Variants in UST observed in about 807,000 individuals in gnomAD.
UST encodes chondroitin sulfate 2-O-sulfotransferase.
In UST, 21 loss-of-function variants were observed where a neutral mutation model predicts 45.6. That is an observed-to-expected ratio of 0.46 (90% CI 0.33 to 0.66). The LOEUF is 0.66. Among genes scored for constraint, UST ranks in the 30% least tolerant of loss-of-function variants. The pLI, the probability that UST is intolerant of heterozygous loss-of-function variation, is 0.02. For synonymous variants in UST, 215 were observed against 200.6 expected (o/e 1.07, Z -0.61); for missense variants, 463 against 512.4 (o/e 0.90, Z 0.93).
intron 1 of UST, among the ~76,000 whole-genome samples, chr6:148,869,308 C>T (rs986846969): frequency 3.9e-5 from 6 of 152,046 alleles, no homozygotes; most frequent in Non-Finnish European, 7.4e-5. Flanking sequence ...CAAAATTTCA[C>T]GTAAATCCTA....
intron 2 of UST, among the ~76,000 whole-genome samples, chr6:148,923,826 G>A (rs989853052): frequency 4.6e-5 from 7 of 152,178 alleles, no homozygotes; most frequent in Admixed American, 2.0e-4. Flanking sequence ...TACTTGGATT[G>A]TAGTTGGTCG....
chr6:148,864,526 A>G (rs1778387445), intron 1 of UST, among the ~76,000 whole-genome samples: 1 of 152,192 alleles, frequency 6.6e-6, no homozygotes, highest in Non-Finnish European at 1.5e-5. Flanking sequence ...AGCCCCAGTG[A>G]GATGAATCTG....
chr6:148,891,886 C>G (rs1420810973), intron 2 of UST, among the ~76,000 whole-genome samples: 1 of 152,148 alleles, frequency 6.6e-6, no homozygotes, highest in African/African-American at 2.4e-5. Context: ...TTCCAGTAAC[C>G]TTTGTATACT....
At chr6:148,993,147 A>G (rs1022284785) in intron 5 of UST, 6 of 865,292 alleles carry the variant, frequency 6.9e-6, no homozygotes, top group Middle Eastern at 5.9e-4. Flanking sequence ...AGTAAGTTCG[A>G]TTTCTACATC....
At chr6:149,059,731 G>A (rs1204521492) in intron 7 of UST, among the ~76,000 whole-genome samples, 1 of 151,980 alleles carries the variant, frequency 6.6e-6, no homozygotes, top group Admixed American at 6.6e-5. Context: ...TACCACCACC[G>A]CCCACCCCCG....
In UST at chr6:149,012,506, C is replaced by T. The variant is rs149038891; in HGVS notation, c.682-6633C>T. Among the ~76,000 whole-genome samples the T allele has an allele frequency of 4.1e-4, 63 of 152,316 alleles. No homozygotes were observed. In the East Asian group the frequency reaches 0.011, roughly 27 times the overall value. ...TTCTCTCTCCCACTTCTAACACAGC[C>T]AGCGTAAGAAACCGTCCTTTTCCAT... On this transcript the variant is annotated intron_variant, in intron 5 of 7. Coordinates refer to ENST00000367463, the MANE Select transcript of UST (RefSeq NM_005715.3).
chr6:148,898,443 C>T (rs1459137664), intron 2 of UST, among the ~76,000 whole-genome samples: 1 of 152,104 alleles, frequency 6.6e-6, no homozygotes, highest in Non-Finnish European at 1.5e-5. Flanking sequence ...CCCGAAGTCG[C>T]CTGTATTCCC....
intron 2 of UST, among the ~76,000 whole-genome samples, chr6:148,895,284 G>A (rs1256221644): frequency 6.6e-6 from 1 of 151,872 alleles, no homozygotes; most frequent in Non-Finnish European, 1.5e-5. Flanking sequence ...TGTTCAAATT[G>A]TGTTATCTTC....
chr6:148,824,752 A>G (rs1031044380), intron 1 of UST, among the ~76,000 whole-genome samples: 2 of 144,136 alleles, frequency 1.4e-5, no homozygotes, highest in African/African-American at 2.6e-5. Flanking sequence ...ATATGTATAC[A>G]TGTGCCATGC....
intron 1 of UST, among the ~76,000 whole-genome samples, chr6:148,874,196 CATT>C (rs1423304191): frequency 6.6e-6 from 1 of 152,258 alleles, no homozygotes; most frequent in Non-Finnish European, 1.5e-5. Context: ...GATCATATAA[CATT>C]ATGATGAATT....
intron 3 of UST, among the ~76,000 whole-genome samples, chr6:148,948,724 CA>C (rs1263853445): frequency 6.6e-6 from 1 of 152,110 alleles, no homozygotes; most frequent in Non-Finnish European, 1.5e-5. Context: ...CAGCACATCA[CA>C]AGAAAAGAAG....
intron 1 of UST, among the ~76,000 whole-genome samples, chr6:148,881,164 G>A (rs1292108529): frequency 6.6e-6 from 1 of 152,190 alleles, no homozygotes; most frequent in Non-Finnish European, 1.5e-5. Context: ...GGATGGACTA[G>A]GGCGTCAAAG....
rs1257257840 is a variant in UST, at chr6:148,769,887, G to A, written c.247+22210G>A. On this transcript the variant is annotated intron_variant, in intron 1 of 7. Transcript: ENST00000367463. ...TTTCTGTCACTTTTTTTTTTTTATA[G>A]GAAAAGACCTTCTAAGATTATGTAA... Among the ~76,000 whole-genome samples the A allele has an allele frequency of 6.6e-5, 10 of 151,268 alleles. No homozygotes were observed. In the South Asian group the frequency reaches 1.9e-3, roughly 29 times the overall value.
chr6:148,965,860 T>TA, intron 5 of UST, among the ~76,000 whole-genome samples: 1 of 150,174 alleles, frequency 6.7e-6, no homozygotes, highest in South Asian at 2.1e-4. Flanking sequence ...TGATATATTT[T>TA]AAAAGTGGCT....
chr6:149,061,645 G>A (rs1776656449), intron 7 of UST, among the ~76,000 whole-genome samples: 1 of 152,236 alleles, frequency 6.6e-6, no homozygotes, highest in South Asian at 2.1e-4. Flanking sequence ...AGATGGGTGT[G>A]CCTGGTGCCG....
intron 5 of UST, among the ~76,000 whole-genome samples, chr6:149,000,430 A>C (rs1258192823): frequency 6.6e-6 from 1 of 152,168 alleles, no homozygotes; most frequent in Non-Finnish European, 1.5e-5. Context: ...CCACTAGAAT[A>C]AGACAGAGGG....
intron 2 of UST, among the ~76,000 whole-genome samples, chr6:148,912,404 C>A: frequency 6.6e-6 from 1 of 152,340 alleles, no homozygotes; most frequent in East Asian, 1.9e-4. Context: ...GAAGGCCGAG[C>A]AGGCCCATAT....
intron 1 of UST, among the ~76,000 whole-genome samples, chr6:148,851,919 G>A (rs553011282): frequency 2.0e-5 from 3 of 152,232 alleles, no homozygotes; most frequent in Non-Finnish European, 4.4e-5. Flanking sequence ...CTGAGGGGCT[G>A]CCCCTGATGA....
At chr6:149,012,395 A>G (rs1339973385) in intron 5 of UST, among the ~76,000 whole-genome samples, 2 of 152,178 alleles carry the variant, frequency 1.3e-5, no homozygotes, top group Non-Finnish European at 2.9e-5. Flanking sequence ...ATTCCATTTA[A>G]CCCATTAAAC....
Sources: gnomAD v4.1 joint callset for allele counts (sites outside exome capture counted in the v4.1 genomes callset) on GRCh38, gnomAD v4.1.1 for gene constraint, MANE v1.5 for transcripts, NCBI Gene and HGNC (gene_info 2026-07-23, HGNC 2026-07-21) for gene names.